The following TRIOBP variants were observed in gnomAD, a reference collection of about 807,000 sequenced individuals.
TRIOBP encodes the protein TRIO and F-actin binding protein, also known as TRIO and F-actin-binding protein.
In TRIOBP, 169 loss-of-function variants were observed where a neutral mutation model predicts 238.8. The observed-to-expected ratio is 0.71, with a 90% CI of 0.62 to 0.80. The LOEUF is 0.80. TRIOBP is among the 30% of genes least tolerant of loss of function. The pLI is 0.00. For missense variants in TRIOBP, 2,838 were observed against 3,122.6 expected (o/e 0.91, Z 2.17); for synonymous variants, 1,150 against 1,274.4 (o/e 0.90, Z 2.08).
chr22:37,710,250 C>T lies in TRIOBP; in HGVS notation c.115-177C>T, dbSNP rs150572051. The stretch of plus-strand genomic sequence containing the variant: ...TGCAGGCACACACCAGGTACCTCAG[C>T]CAGCCCTCGGCTTGAGTCCCAAGGG... On this transcript the variant is annotated intron_variant, in intron 3 of 23. Coordinates refer to ENST00000644935, the MANE Select transcript of TRIOBP (RefSeq NM_001039141.3). 3.8e-3 allele frequency among the ~76,000 whole-genome samples: 574 copies of T among 152,362 alleles called. 3 individuals are homozygous for T. The highest frequency in any genetic ancestry group is 0.013 in the African/African-American group (550 of 41,588).
chr22:37,754,017 A>G (rs1212120309), intron 12 of TRIOBP, among the ~76,000 whole-genome samples: 1 of 152,122 alleles, frequency 6.6e-6, no homozygotes, highest in Admixed American at 6.5e-5. Flanking sequence ...TGGAGCAGAG[A>G]CAGGCACTGC....
intron 9 of TRIOBP, among the ~76,000 whole-genome samples, chr22:37,736,657 C>T (rs1044231615): frequency 6.6e-6 from 1 of 152,184 alleles, no homozygotes; most frequent in Non-Finnish European, 1.5e-5. Context: ...GACGGAGTTT[C>T]GCTCTTGTTG....
intron 6 of TRIOBP, among the ~76,000 whole-genome samples, chr22:37,720,000 CTTTTTT>C (rs869261824): frequency 0.44 from 24,044 of 54,150 alleles, 7,871 homozygotes; most frequent in East Asian, 0.57. Context: ...CCCCCCCGCC[CTTTTTT>C]TTTTTTTTTT....
rs2145833305 is a variant in TRIOBP at position 37,724,409 on chromosome 22, G to A, written c.1853G>A (p.Arg618Lys). The change falls in exon 7 of 24, where the codon AGA becomes AAA. Residue 618 changes from arginine (R) to lysine (K), a missense_variant. Arg to Lys is a conservative substitution (Grantham distance 26). Around this residue, in one of 5 missense-constraint regions of TRIOBP, gnomAD observed 167 missense variants for 200.2 expected, o/e 0.83. Transcript: ENST00000644935. ...GCCTCCAGAACCTCCTCTCCCAATA[G>A]AGCCACACGAGATAACCCCAGAACA... ...PRASRTSSPN[R>K]ATRDNPRTSC... 6.7e-7 allele frequency: 1 copy of A among 1,498,202 alleles called. No individual in the cohort carries two copies. Among genetic ancestry groups the A allele is most frequent in the East Asian group, 2.6e-5 (1 of 38,488 alleles). 92.8% of individuals were successfully genotyped at this position (1,498,202 alleles called of 1,614,324 possible).
At chr22:37,753,228 G>T (rs143770315) in intron 12 of TRIOBP, among the ~76,000 whole-genome samples, 46 of 152,028 alleles carry the variant, frequency 3.0e-4, no homozygotes, top group African/African-American at 1.1e-3. Flanking sequence ...GATGGGCGCC[G>T]CTCGCCTCAC....
rs746818038 is a variant in TRIOBP, at chr22:37,717,864, G to C, written c.628+1930G>C. Among the ~76,000 whole-genome samples the C allele has an allele frequency of 5.1e-4, 77 of 152,242 alleles. 1 individual carries two copies. The highest frequency in any genetic ancestry group is 1.6e-3 in the Admixed American group (25 of 15,288). ...CACACTCCTCAGCCCTTGGGTGGTT[G>C]ATGGGACTGGGCGCTGTGGAGCAGG... is the stretch of plus-strand genomic sequence containing the variant. On this transcript the variant is annotated intron_variant, in intron 6 of 23. Transcript: ENST00000644935.
At position 37,734,842 on chromosome 22, in the gene TRIOBP, C is replaced by T. The variant is rs751169144; in HGVS notation, c.4506C>T (p.Leu1502=). The change falls in exon 9 of 24, where the codon CTC becomes CTT. Residue 1502 remains leucine, a synonymous_variant. Coordinates refer to ENST00000644935, the MANE Select transcript of TRIOBP (RefSeq NM_001039141.3). ...GGGAGGAGAAGCCCACTCATGAGCT[C>T]CCCAGAGAACTAGGAAAGAGAAGCC... ...EAWEEKPTHE[L]PRELGKRSPL... is the part of the protein sequence containing the mutation. The T allele has an allele frequency of 8.7e-6, 14 of 1,612,606 alleles. No individual in the cohort carries two copies. The highest frequency in any genetic ancestry group is 1.7e-6 in the Non-Finnish European group (2 of 1,179,934).
chr22:37,735,133 T>C lies in TRIOBP; in HGVS notation c.4797T>C (p.Ala1599=). The C allele has an allele frequency of 6.2e-7, 1 of 1,610,016 alleles. No individual in the cohort carries two copies. The highest frequency in any genetic ancestry group is 8.5e-7 in the Non-Finnish European group (1 of 1,177,562). The change falls in exon 9 of 24, where the codon GCT becomes GCC. Residue 1599 remains alanine, a synonymous_variant. Coordinates refer to ENST00000644935, the MANE Select transcript of TRIOBP (RefSeq NM_001039141.3). ...LQARLPRKDP[A]GHRDDLARAL... Reference sequence around the variant, plus strand: ...CCAGGCTGCCCCGCAAGGACCCAGCTGGACACAGGGATGACCTGGCCAGGG... The same window carrying C: ...CCAGGCTGCCCCGCAAGGACCCAGCCGGACACAGGGATGACCTGGCCAGGG...
At chr22:37,706,128 A>G (rs1238724603) in intron 3 of TRIOBP, among the ~76,000 whole-genome samples, 1 of 152,090 alleles carries the variant, frequency 6.6e-6, no homozygotes, top group Non-Finnish European at 1.5e-5. Context: ...GGAGAAACCC[A>G]TGGCTGACTC....
intron 6 of TRIOBP, among the ~76,000 whole-genome samples, chr22:37,716,460 C>T (rs1277383405): frequency 6.6e-6 from 1 of 151,076 alleles, no homozygotes; most frequent in Non-Finnish European, 1.5e-5. Context: ...ATAAGAGTCT[C>T]ACACTGTTGC....
intron 11 of TRIOBP, among the ~76,000 whole-genome samples, chr22:37,747,557 C>T (rs1925350269): frequency 6.6e-6 from 1 of 152,228 alleles, no homozygotes; most frequent in Non-Finnish European, 1.5e-5. Flanking sequence ...CCTGGACATC[C>T]TGCCACCTCC....
At chr22:37,751,250 A>G (rs911966547) in intron 11 of TRIOBP, 1 of 349,290 alleles carries the variant, frequency 2.9e-6, no homozygotes, top group Non-Finnish European at 5.9e-6. Flanking sequence ...GGCGGGGACC[A>G]GAGGGTTTCT....
chr22:37,764,951 G>A (rs770639679), intron 17 of TRIOBP, among the ~76,000 whole-genome samples: 14 of 152,156 alleles, frequency 9.2e-5, no homozygotes, highest in Non-Finnish European at 1.6e-4. Context: ...AAACTGGGCT[G>A]CAGGTCAGTA....
At chr22:37,703,653 C>T (rs1273503151) in intron 3 of TRIOBP, among the ~76,000 whole-genome samples, 3 of 151,788 alleles carry the variant, frequency 2.0e-5, no homozygotes, top group Non-Finnish European at 2.9e-5. Context: ...AACAGGCACC[C>T]GGCACCACGC....
At chr22:37,698,167 T>A (rs546623748) in intron 2 of TRIOBP, among the ~76,000 whole-genome samples, 2 of 125,112 alleles carry the variant, frequency 1.6e-5, no homozygotes, top group East Asian at 5.3e-4. Context: ...GCCACTGCAC[T>A]CCAGCCTGGG....
intron 14 of TRIOBP, 88 bp downstream of exon 14, chr22:37,755,278 A>T: frequency 7.5e-7 from 1 of 1,338,840 alleles, no homozygotes; most frequent in Non-Finnish European, 1.0e-6. Flanking sequence ...ATGGCTCACC[A>T]TGGAGACTGG....
intron 18 of TRIOBP, among the ~76,000 whole-genome samples, chr22:37,766,587 T>C (rs534863338): frequency 3.7e-4 from 56 of 152,276 alleles, no homozygotes; most frequent in African/African-American, 1.3e-3. Flanking sequence ...TGCTGTGAAA[T>C]GGATAAAAAT....
chr22:37,725,520 C>G lies in TRIOBP; in HGVS notation c.2964C>G (p.Thr988=). ...CCCATAACCCAGGCCACCAGAGCACCTCCCGAACTTCCTCACCTGTGTACC... is the reference window on the plus strand; with the variant it reads ...CCCATAACCCAGGCCACCAGAGCACGTCCCGAACTTCCTCACCTGTGTACC... The part of the protein sequence containing the change: ...SSSHNPGHQS[T]SRTSSPVYPA... The change falls in exon 7 of 24, where the codon ACC becomes ACG. Residue 988 remains threonine (T), a synonymous_variant. Transcript: ENST00000644935. 1.2e-6 allele frequency: 2 copies of G among 1,613,734 alleles called. No homozygotes were observed. Among genetic ancestry groups the G allele is most frequent in the Non-Finnish European group, 1.7e-6 (2 of 1,179,998 alleles).
At chr22:37,701,524 A>T (rs1922643827) in intron 3 of TRIOBP, 45 bp downstream of exon 3, 1 of 1,412,232 alleles carries the variant, frequency 7.1e-7, no homozygotes, top group African/African-American at 1.4e-5. Flanking sequence ...TGATGGGGGC[A>T]TGGGTGAAGG....
Sources: allele counts gnomAD v4.1 joint callset (sites outside exome capture counted in the v4.1 genomes callset), GRCh38; gene constraint gnomAD v4.1.1; regional missense constraint gnomAD v4.1.1; transcripts MANE v1.5; gene names NCBI Gene and HGNC (gene_info 2026-07-23, HGNC 2026-07-21).